PSG3: variants seen among roughly 807,000 people sequenced by gnomAD.
PSG3 encodes the protein pregnancy-specific beta-1-glycoprotein 3.
PSG3 carries 61 observed loss-of-function variants against 47.5 expected under a neutral mutation model. That is an observed-to-expected ratio of 1.28 (90% confidence interval 1.05 to 1.59). The LOEUF (loss-of-function observed/expected upper bound fraction) is 1.59, where lower values mean the gene tolerates loss of function less well. Ranked by LOEUF, PSG3 falls within the 40% of genes most tolerant of loss-of-function variation. The probability of loss-of-function intolerance (pLI) is 0.00; values close to 1 mark genes in which losing one functional copy is unlikely to be tolerated. For synonymous variants in PSG3, 263 were observed against 198.4 expected (o/e 1.33, Z -2.74); for missense variants, 756 against 524.0 (o/e 1.44, Z -4.32).
At chr19:42,732,679 G>T in intron 3 of PSG3, 105 bp downstream of exon 3, 9 of 1,613,098 alleles carry the variant, frequency 5.6e-6, no homozygotes, top group South Asian at 2.2e-5. Flanking sequence ...ATGTCCAGGG[G>T]TAAAGGTCTC....
chr19:42,734,092 T>C (rs926419115), intron 2 of PSG3: 8 of 152,224 alleles, frequency 5.3e-5, no homozygotes, highest in African/African-American at 1.7e-4. Flanking sequence ...AGAATAGTAG[T>C]TTCCAGGAGC....
At chr19:42,736,140 G>T (rs1969559068) in intron 2 of PSG3, among the ~76,000 whole-genome samples, 1 of 152,232 alleles carries the variant, frequency 6.6e-6, no homozygotes. Context: ...ATGAGATTAA[G>T]ATTATAGGAG....
intron 2 of PSG3, among the ~76,000 whole-genome samples, chr19:42,736,373 G>T (rs1388740910): frequency 6.6e-6 from 1 of 152,096 alleles, no homozygotes; most frequent in Non-Finnish European, 1.5e-5. Context: ...CCGTCATGTG[G>T]TCCCTACCTA....
chr19:42,722,387 A>G lies in PSG3; in HGVS notation c.*41-297T>C, dbSNP rs900953119. On this transcript the variant is annotated intron_variant, in intron 6 of 6. Coordinates refer to ENST00000327495, the MANE Select transcript of PSG3 (RefSeq NM_021016.4). ...TGCCTCAGCCTCCTGAGTAGCTGGG[A>G]CTACAGGTGCCTGCCACCAAGCCCG... 1.6e-4 allele frequency among the ~76,000 whole-genome samples: 25 copies of G among 152,210 alleles called. 1 individual carries two copies. The Middle Eastern group carries it at 0.01, about 62-fold the overall frequency.
At chr19:42,725,997 G>T (rs1239819896) in intron 5 of PSG3, among the ~76,000 whole-genome samples, 1 of 151,544 alleles carries the variant, frequency 6.6e-6, no homozygotes, top group Non-Finnish European at 1.5e-5. Flanking sequence ...CAATAAATTG[G>T]ATAACCTAGA....
Position 42,739,056 on chromosome 19 carries a change from G to T in PSG3, c.98C>A (p.Thr33Asn). The change falls in exon 2 of 7, where the codon ACT becomes AAT. Residue 33 changes from threonine to asparagine, a missense_variant. Transcript: ENST00000327495. ...CTCGGCTTCAATCGTGACTTGGGCAGTGGTAGGCAAGTTCCAGAAGTTTAA... is the reference window on the plus strand; with the variant it reads ...CTCGGCTTCAATCGTGACTTGGGCATTGGTAGGCAAGTTCCAGAAGTTTAA... ...LLLNFWNLPT[T>N]AQVTIEAEPT... 1 of 1,610,234 alleles carries T rather than the reference G, an allele frequency of 6.2e-7. No individual in the cohort carries two copies. The highest frequency in any genetic ancestry group is 8.5e-7 in the Non-Finnish European group (1 of 1,176,810).
rs1600391748 is a variant in PSG3, at chr19:42,738,658, C to T, written c.430+66G>A. Reference sequence around the variant, plus strand: ...GGACACAGGCACAATCCAGGCCTGACAATCCTTTGTGTGTGAAGTAAAGAC... The same window carrying T: ...GGACACAGGCACAATCCAGGCCTGATAATCCTTTGTGTGTGAAGTAAAGAC... On this transcript the variant is annotated intron_variant, in intron 2 of 6. Coordinates refer to ENST00000327495, the MANE Select transcript of PSG3 (RefSeq NM_021016.4). The T allele has an allele frequency of 3.1e-6, 5 of 1,612,074 alleles. No homozygotes were observed. In the Admixed American group the frequency reaches 6.7e-5, roughly 22 times the overall value.
At chr19:42,723,244 G>A (rs968922010) in intron 6 of PSG3, among the ~76,000 whole-genome samples, 3 of 152,202 alleles carry the variant, frequency 2.0e-5, no homozygotes, top group African/African-American at 7.2e-5. Context: ...TCTCCACGAG[G>A]TCAGATGTTG....
At chr19:42,735,428 A>G (rs1215012139) in intron 2 of PSG3, among the ~76,000 whole-genome samples, 1 of 151,876 alleles carries the variant, frequency 6.6e-6, no homozygotes, top group Non-Finnish European at 1.5e-5. Context: ...GTGCAGTGGC[A>G]TGATCTCATC....
intron 2 of PSG3, among the ~76,000 whole-genome samples, chr19:42,737,464 A>G (rs1432418012): frequency 2.0e-5 from 3 of 152,152 alleles, no homozygotes; most frequent in African/African-American, 7.2e-5. Context: ...TGACAGTGAC[A>G]TGGACACTTT....
At chr19:42,736,043 T>C (rs1171555349) in intron 2 of PSG3, among the ~76,000 whole-genome samples, 1 of 152,222 alleles carries the variant, frequency 6.6e-6, no homozygotes. Flanking sequence ...ATTGTTTAAC[T>C]TTGAAGCAAG....
At chr19:42,739,923 AG>A (rs1475207414) in intron 1 of PSG3, among the ~76,000 whole-genome samples, 2 of 151,038 alleles carry the variant, frequency 1.3e-5, no homozygotes, top group African/African-American at 2.4e-5. Context: ...GCTCCAACAG[AG>A]ACTTCTTTCC....
chr19:42,725,614 C>T (rs564161602), intron 5 of PSG3, among the ~76,000 whole-genome samples: 2 of 152,174 alleles, frequency 1.3e-5, no homozygotes, highest in South Asian at 4.1e-4. Context: ...AATCCTAGCA[C>T]TTTGGGAAGT....
At chr19:42,727,392 A>C (rs1969394722) in intron 5 of PSG3, among the ~76,000 whole-genome samples, 1 of 152,240 alleles carries the variant, frequency 6.6e-6, no homozygotes, top group African/African-American at 2.4e-5. Context: ...GAATACATGA[A>C]AAGCTACAAG....
At chr19:42,730,467 A>G (rs2883102) in intron 3 of PSG3, among the ~76,000 whole-genome samples, 16 of 152,278 alleles carry the variant, frequency 1.1e-4, no homozygotes, top group South Asian at 2.1e-4. Flanking sequence ...TTTCTCTGCA[A>G]CTTCCATTTC....
intron 2 of PSG3, among the ~76,000 whole-genome samples, chr19:42,736,185 T>C (rs1206229051): frequency 1.3e-5 from 2 of 152,344 alleles, no homozygotes; most frequent in Non-Finnish European, 2.9e-5. Context: ...GGCAGAGTTT[T>C]TATAATCCTT....
rs549219865 is a variant in PSG3 at position 42,729,681 on chromosome 19, A to G, written c.988+97T>C. On this transcript the variant is annotated intron_variant, in intron 4 of 6. Transcript: ENST00000327495. ...AGCTCGGATGTCCAGAAGTAATGGTATCTATACTTGGACCAGAGAGAGAGT... is the reference window on the plus strand; with the variant it reads ...AGCTCGGATGTCCAGAAGTAATGGTGTCTATACTTGGACCAGAGAGAGAGT... 13,119 of 1,568,168 alleles carry G rather than the reference A, an allele frequency of 8.4e-3. 100 individuals carry two copies. The highest frequency in any genetic ancestry group is 8.4e-3 in the Non-Finnish European group (9,768 of 1,158,776).
intron 5 of PSG3, among the ~76,000 whole-genome samples, chr19:42,725,418 G>T (rs1489223722): frequency 2.0e-5 from 3 of 152,068 alleles, no homozygotes; most frequent in South Asian, 2.1e-4. Context: ...GGATTAGAGT[G>T]GATATAAATA....
Position 42,739,035 on chromosome 19 carries a change from G to T in PSG3, c.119C>A (p.Ala40Asp). The T allele has an allele frequency of 6.2e-7, 1 of 1,613,524 alleles. No homozygotes were observed. The change falls in exon 2 of 7, where the codon GCC (alanine) becomes GAC (aspartate). Residue 40 changes from alanine (A) to aspartate (D), a missense_variant. Ala to Asp is a moderately radical substitution (Grantham distance 126). Transcript: ENST00000327495. Reference sequence around the variant, plus strand: ...CCCCTTGGAAACTTTGGTTGGCTCGGCTTCAATCGTGACTTGGGCAGTGGT... The same window carrying T: ...CCCCTTGGAAACTTTGGTTGGCTCGTCTTCAATCGTGACTTGGGCAGTGGT... ...LPTTAQVTIE[A>D]EPTKVSKGKD...
Sources: allele counts gnomAD v4.1 joint callset (sites outside exome capture counted in the v4.1 genomes callset), GRCh38; gene constraint gnomAD v4.1.1; transcripts MANE v1.5; gene names NCBI Gene and HGNC (gene_info 2026-07-23, HGNC 2026-07-21).